OSBPL8: variants seen among roughly 807,000 people sequenced by gnomAD.
OSBPL8 encodes the protein oxysterol-binding protein-related protein 8.
Under a neutral mutation model 125.5 loss-of-function variants are expected in OSBPL8, and 59 were observed. That is an observed-to-expected ratio of 0.47 (90% CI 0.38 to 0.58). OSBPL8 has a LOEUF of 0.58. Ranked by LOEUF, OSBPL8 falls within the 20% of genes least tolerant of loss-of-function variation. The pLI is 0.00. For synonymous variants in OSBPL8, 330 were observed against 338.9 expected (o/e 0.97, Z 0.29); for missense variants, 758 against 1,047.8 (o/e 0.72, Z 3.82).
rs1034770047 is a variant in OSBPL8 at position 76,371,553 on chromosome 12, G to A, written c.1949C>T (p.Thr650Ile). ...ATTCCAGAAAACCTCTGAATTATCAGTCTTTTTATCAGTAATAAAAACTTC... is the reference window on the plus strand; with the variant it reads ...ATTCCAGAAAACCTCTGAATTATCAATCTTTTTATCAGTAATAAAAACTTC... ...DSEVFITDKK[T>I]DNSEVFWNPT... Residue 650 changes from threonine (T) to isoleucine (I), a missense_variant, in exon 19 of 24, where the codon ACT (threonine) becomes ATT (isoleucine). Coordinates refer to ENST00000261183, the MANE Select transcript of OSBPL8 (RefSeq NM_020841.5). 1 of 1,608,282 alleles carries A rather than the reference G, an allele frequency of 6.2e-7. No individual in the cohort carries two copies. Among genetic ancestry groups the A allele is most frequent in the Admixed American group, 1.7e-5 (1 of 59,498 alleles).
At chr12:76,465,909 G>A (rs1433078215) in intron 2 of OSBPL8, among the ~76,000 whole-genome samples, 1 of 151,960 alleles carries the variant, frequency 6.6e-6, no homozygotes, top group Non-Finnish European at 1.5e-5. Context: ...TGGAGGCTGA[G>A]GCAGGAGAAT....
intron 1 of OSBPL8, among the ~76,000 whole-genome samples, chr12:76,503,183 C>A (rs959992103): frequency 6.6e-6 from 1 of 152,182 alleles, no homozygotes; most frequent in Admixed American, 6.5e-5. Context: ...TAAAATACGA[C>A]AAACTGGGGG....
intron 1 of OSBPL8, 80 bp from the exon 2 acceptor site, chr12:76,487,698 G>A: frequency 4.0e-6 from 2 of 505,362 alleles, no homozygotes; most frequent in Non-Finnish European, 6.3e-6. Context: ...TTGTTAGAAG[G>A]GAAAAATCAT....
intron 15 of OSBPL8, among the ~76,000 whole-genome samples, chr12:76,381,863 T>C (rs901512610): frequency 6.6e-6 from 1 of 152,118 alleles, no homozygotes; most frequent in Non-Finnish European, 1.5e-5. Context: ...GCACTCCAAG[T>C]AGCTGGGATT....
At chr12:76,415,478 C>A (rs923365398) in intron 4 of OSBPL8, among the ~76,000 whole-genome samples, 1 of 152,140 alleles carries the variant, frequency 6.6e-6, no homozygotes, top group African/African-American at 2.4e-5. Flanking sequence ...GAACTCCTGA[C>A]CTCAAGTGAT....
At chr12:76,448,598 G>A (rs1360182173) in intron 4 of OSBPL8, among the ~76,000 whole-genome samples, 5 of 152,050 alleles carry the variant, frequency 3.3e-5, no homozygotes, top group African/African-American at 9.7e-5. Context: ...AAATACAATC[G>A]ACAACTAAGC....
intron 1 of OSBPL8, among the ~76,000 whole-genome samples, chr12:76,523,954 C>G (rs1287867043): frequency 4.6e-5 from 7 of 152,052 alleles, no homozygotes; most frequent in Admixed American, 1.3e-4. Context: ...CATAACTTCC[C>G]TTTAAAAGAC....
At chr12:76,532,672 T>C (rs1213128274) in intron 1 of OSBPL8, among the ~76,000 whole-genome samples, 1 of 151,470 alleles carries the variant, frequency 6.6e-6, no homozygotes, top group Non-Finnish European at 1.5e-5. Flanking sequence ...TCCTCCAACA[T>C]ATGCAATCTT....
At chr12:76,404,373 T>G (rs1370212324) in intron 5 of OSBPL8, among the ~76,000 whole-genome samples, 1 of 152,212 alleles carries the variant, frequency 6.6e-6, no homozygotes, top group Non-Finnish European at 1.5e-5. Flanking sequence ...ACTAATAGTA[T>G]TAGCTTAAAA....
intron 12 of OSBPL8, among the ~76,000 whole-genome samples, chr12:76,387,602 C>T (rs1953370691): frequency 6.6e-6 from 1 of 152,066 alleles, no homozygotes; most frequent in South Asian, 2.1e-4. Flanking sequence ...TTGTTGTTTT[C>T]TGTTTGTAAT....
chr12:76,450,052 C>G (rs1185411536), intron 4 of OSBPL8, among the ~76,000 whole-genome samples: 1 of 152,030 alleles, frequency 6.6e-6, no homozygotes, highest in Admixed American at 6.6e-5. Context: ...GAAGCAGATA[C>G]AAAAATGCAG....
At chr12:76,462,181 A>G (rs1874824935) in intron 2 of OSBPL8, among the ~76,000 whole-genome samples, 2 of 152,240 alleles carry the variant, frequency 1.3e-5, no homozygotes, top group East Asian at 3.8e-4. Flanking sequence ...TTAAAGATTA[A>G]TAAGCTCAAC....
rs138243672 is a variant in OSBPL8, at chr12:76,556,315, G to A, written c.-68+3082C>T. ...ATAAGAATATGATGCTCTAGGACTA[G>A]GATTTCTTCCCTATAAGGTCTCCGA... On this transcript the variant is annotated intron_variant, in intron 1 of 23. Transcript: ENST00000261183. Among the ~76,000 whole-genome samples the A allele has an allele frequency of 1.2e-3, 190 of 152,244 alleles. 1 individual carries two copies. The highest frequency in any genetic ancestry group is 4.4e-3 in the African/African-American group (183 of 41,552).
At chr12:76,467,850 A>T (rs767936403) in intron 2 of OSBPL8, among the ~76,000 whole-genome samples, 2 of 152,142 alleles carry the variant, frequency 1.3e-5, no homozygotes, top group Non-Finnish European at 2.9e-5. Flanking sequence ...ATCACCATAC[A>T]CAGAAGACAG....
chr12:76,468,708 TC>T (rs1488138021), intron 2 of OSBPL8, among the ~76,000 whole-genome samples: 8 of 152,236 alleles, frequency 5.3e-5, no homozygotes, highest in African/African-American at 1.4e-4. Flanking sequence ...TTCATAATTA[TC>T]TCACAGTATT....
intron 2 of OSBPL8, among the ~76,000 whole-genome samples, chr12:76,485,293 C>T (rs775441889): frequency 3.0e-4 from 46 of 151,904 alleles, no homozygotes; most frequent in Non-Finnish European, 6.0e-4. Flanking sequence ...TGACTAAGAC[C>T]GGGCGCAGTA....
At chr12:76,555,165 A>G (rs1260281222) in intron 1 of OSBPL8, among the ~76,000 whole-genome samples, 1 of 152,192 alleles carries the variant, frequency 6.6e-6, no homozygotes, top group Non-Finnish European at 1.5e-5. Context: ...TTTCTTAACA[A>G]CCAGAAAACC....
chr12:76,421,594 TA>T (rs1869492848), intron 4 of OSBPL8, among the ~76,000 whole-genome samples: 1 of 152,006 alleles, frequency 6.6e-6, no homozygotes, highest in Admixed American at 6.6e-5. Flanking sequence ...ATTGTGAAAA[TA>T]GGGAATTTAA....
At chr12:76,487,046 T>A (rs868779183) in intron 2 of OSBPL8, among the ~76,000 whole-genome samples, 42 of 148,220 alleles carry the variant, frequency 2.8e-4, no homozygotes, top group East Asian at 2.5e-3. Context: ...TTTTTTTTTT[T>A]AGAGACCGAG....
Sources: gnomAD v4.1 joint callset for allele counts (sites outside exome capture counted in the v4.1 genomes callset) on GRCh38, gnomAD v4.1.1 for gene constraint, MANE v1.5 for transcripts, NCBI Gene and HGNC (gene_info 2026-07-23, HGNC 2026-07-21) for gene names.